The following SPATA13 variants were observed in gnomAD, a reference collection of about 807,000 sequenced individuals.
The protein encoded by SPATA13 is spermatogenesis associated 13.
A neutral mutation model predicts 104.0 loss-of-function variants in SPATA13; 50 were observed. That is an observed-to-expected ratio of 0.48 (90% CI 0.38 to 0.61). The LOEUF (loss-of-function observed/expected upper bound fraction) is 0.61, where lower values mean the gene tolerates loss of function less well. SPATA13 is among the 20% of genes least tolerant of loss of function. SPATA13 has a pLI of 0.00. For synonymous variants in SPATA13, 606 were observed against 667.5 expected, an observed-to-expected ratio of 0.91 and a Z score of 1.42; for missense variants, 1,524 against 1,690.6, an observed-to-expected ratio of 0.90 and a Z score of 1.73.
intron 3 of SPATA13, among the ~76,000 whole-genome samples, chr13:24,094,994 G>A (rs1880025534): frequency 6.6e-6 from 1 of 152,166 alleles, no homozygotes. Flanking sequence ...TGTAAAACAT[G>A]GAGATTTCTC....
At chr13:24,186,766 A>G (rs1190543910) in intron 1 of SPATA13, among the ~76,000 whole-genome samples, 1 of 152,162 alleles carries the variant, frequency 6.6e-6, no homozygotes, top group Non-Finnish European at 1.5e-5. Context: ...AATGGGCAAC[A>G]ACGCTATTGA....
chr13:24,012,140 A>G (rs964619427), intron 2 of SPATA13, among the ~76,000 whole-genome samples: 1 of 152,204 alleles, frequency 6.6e-6, no homozygotes, highest in South Asian at 2.1e-4. Flanking sequence ...CAGGTGTGTA[A>G]CCAGCCTATG....
chr13:24,238,206 G>C (rs1460301124), intron 2 of SPATA13, among the ~76,000 whole-genome samples: 2 of 85,950 alleles, frequency 2.3e-5, no homozygotes, highest in African/African-American at 4.0e-5. Context: ...TCCCAGACTG[G>C]AGTGCAGTGG....
At chr13:24,052,699 C>T (rs1290729588) in intron 3 of SPATA13, among the ~76,000 whole-genome samples, 1 of 151,614 alleles carries the variant, frequency 6.6e-6, no homozygotes, top group East Asian at 1.9e-4. Flanking sequence ...CTAAATTTCT[C>T]AATAAAAGGC....
intron 1 of SPATA13, among the ~76,000 whole-genome samples, chr13:24,183,950 A>G (rs1249737844): frequency 6.6e-6 from 1 of 152,156 alleles, no homozygotes; most frequent in Non-Finnish European, 1.5e-5. Flanking sequence ...TCCCACACAC[A>G]GCACATTGAG....
At position 24,294,883 on chromosome 13, in the gene SPATA13, C is replaced by A. The variant is rs186098080; in HGVS notation, c.3210+15C>A. 1.9e-6 allele frequency: 3 copies of A among 1,596,302 alleles called. No homozygotes were observed. The East Asian group carries it at 6.8e-5, about 36-fold the overall frequency. On this transcript the variant is annotated intron_variant, in intron 10 of 12. Coordinates refer to ENST00000382108, the MANE Select transcript of SPATA13 (RefSeq NM_001166271.3). Reference sequence around the variant, plus strand: ...TGGGCTGGGAGGTAAGTGGAAAGCACCCCACATGATCCCATGCCACTCGCC... The same window carrying A: ...TGGGCTGGGAGGTAAGTGGAAAGCAACCCACATGATCCCATGCCACTCGCC...
intron 4 of SPATA13, among the ~76,000 whole-genome samples, chr13:24,258,975 C>T (rs1873925377): frequency 1.3e-5 from 2 of 152,080 alleles, no homozygotes; most frequent in African/African-American, 4.8e-5. Context: ...CACTGGGGAG[C>T]AAGGTTAGCA....
intron 3 of SPATA13, among the ~76,000 whole-genome samples, chr13:24,123,998 T>C (rs753984735): frequency 2.4e-4 from 37 of 152,212 alleles, no homozygotes; most frequent in Non-Finnish European, 4.1e-4. Flanking sequence ...TGTGAGATGC[T>C]GGTGCCGTCC....
chr13:24,199,185 G>A (rs138689578), intron 1 of SPATA13, among the ~76,000 whole-genome samples: 443 of 152,096 alleles, frequency 2.9e-3, no homozygotes, highest in Non-Finnish European at 4.9e-3. Flanking sequence ...CACTGCGCCC[G>A]CCAGAACCAT....
At chr13:24,133,105 G>T (rs1449098836) in intron 3 of SPATA13, among the ~76,000 whole-genome samples, 1 of 152,284 alleles carries the variant, frequency 6.6e-6, no homozygotes, top group South Asian at 2.1e-4. Context: ...TATTTCCAGC[G>T]GGCAGGTGGG....
At chr13:24,180,724 T>G (rs1769792373) in intron 1 of SPATA13, among the ~76,000 whole-genome samples, 1 of 152,240 alleles carries the variant, frequency 6.6e-6, no homozygotes, top group Admixed American at 6.5e-5. Flanking sequence ...AATATTTTGT[T>G]CTTTCTGATG....
chr13:24,190,619 A>G (rs1440069711), intron 1 of SPATA13, among the ~76,000 whole-genome samples: 1 of 151,774 alleles, frequency 6.6e-6, no homozygotes, highest in Non-Finnish European at 1.5e-5. Context: ...TGGAAACAGC[A>G]AGAGAACTGG....
At chr13:24,075,394 A>G (rs549388272) in intron 3 of SPATA13, among the ~76,000 whole-genome samples, 112 of 152,368 alleles carry the variant, frequency 7.4e-4, no homozygotes, top group African/African-American at 2.6e-3. Flanking sequence ...AGCCTGGGCA[A>G]CAGAAAGTCT....
intron 2 of SPATA13, among the ~76,000 whole-genome samples, chr13:23,985,939 A>G (rs1044645861): frequency 6.6e-6 from 1 of 152,148 alleles, no homozygotes; most frequent in Non-Finnish European, 1.5e-5. Context: ...GGTACTAAGT[A>G]TCCCCTGGAT....
intron 3 of SPATA13, among the ~76,000 whole-genome samples, chr13:24,025,479 C>T (rs2137706917): frequency 1.3e-5 from 2 of 152,246 alleles, no homozygotes; most frequent in East Asian, 3.9e-4. Flanking sequence ...TTCCTTAGGA[C>T]ATATATTTAG....
intron 4 of SPATA13, among the ~76,000 whole-genome samples, chr13:24,262,787 C>T (rs1252541790): frequency 6.6e-6 from 1 of 152,146 alleles, no homozygotes; most frequent in East Asian, 1.9e-4. Context: ...CTGTTTACAT[C>T]CAGAGTTCTG....
At chr13:24,277,175 T>A (rs936146939) in intron 4 of SPATA13, among the ~76,000 whole-genome samples, 2 of 152,170 alleles carry the variant, frequency 1.3e-5, no homozygotes, top group Non-Finnish European at 2.9e-5. Flanking sequence ...CCGGGCGCGG[T>A]GGCTTACGCC....
chr13:24,089,174 C>T (rs938960388), intron 3 of SPATA13, among the ~76,000 whole-genome samples: 1 of 152,142 alleles, frequency 6.6e-6, no homozygotes, highest in South Asian at 2.1e-4. Context: ...GTTTCTAGTG[C>T]CTTCCTGGTG....
At chr13:24,061,206 G>C (rs1035152074) in intron 3 of SPATA13, among the ~76,000 whole-genome samples, 6 of 151,864 alleles carry the variant, frequency 4.0e-5, no homozygotes, top group African/African-American at 1.4e-4. Flanking sequence ...GACTGTTACC[G>C]AACTGTCAAA....
Sources: gnomAD v4.1 joint callset for allele counts (sites outside exome capture counted in the v4.1 genomes callset) on GRCh38, gnomAD v4.1.1 for gene constraint, MANE v1.5 for transcripts, NCBI Gene and HGNC (gene_info 2026-07-23, HGNC 2026-07-21) for gene names.